DNAH10: variants seen among roughly 807,000 people sequenced by gnomAD.
DNAH10 encodes the protein dynein axonemal heavy chain 10.
A neutral mutation model predicts 506.6 loss-of-function variants in DNAH10; 348 were observed. The ratio of observed to expected loss-of-function variants is 0.69; its 90% confidence interval spans 0.63 to 0.75. The LOEUF is 0.75. DNAH10 is among the 30% of genes least tolerant of loss of function. The pLI is 0.00. For missense variants in DNAH10, 5,179 were observed against 5,787.1 expected (o/e 0.89, Z 3.41); for synonymous variants, 2,059 against 2,198.6 (o/e 0.94, Z 1.78).
At chr12:123,801,567 T>G in intron 16 of DNAH10, 135 bp downstream of exon 16, 1 of 1,131,642 alleles carries the variant, frequency 8.8e-7, no homozygotes, top group Admixed American at 2.8e-5. Flanking sequence ...GAAATACAAG[T>G]TGCGGAACTT....
chr12:123,841,225 T>A, intron 29 of DNAH10, 97 bp from the exon 30 acceptor site: 1 of 1,304,138 alleles, frequency 7.7e-7, no homozygotes, highest in Non-Finnish European at 1.1e-6. Flanking sequence ...TGCCATTGCT[T>A]GCATCGTGGC....
chr12:123,930,852 G>A (rs1440201037), intron 73 of DNAH10, among the ~76,000 whole-genome samples: 3 of 152,048 alleles, frequency 2.0e-5, no homozygotes, highest in Non-Finnish European at 2.9e-5. Flanking sequence ...ATGAACATAC[G>A]GCTGGACTGG....
At chr12:123,866,114 T>C in intron 41 of DNAH10, 41 bp downstream of exon 41, 1 of 1,519,884 alleles carries the variant, frequency 6.6e-7, no homozygotes, top group Non-Finnish European at 8.9e-7. Flanking sequence ...TTATTAGTAT[T>C]GATGGCTAGT....
intron 2 of DNAH10, among the ~76,000 whole-genome samples, chr12:123,768,676 T>A (rs2135963157): frequency 6.6e-6 from 1 of 152,350 alleles, no homozygotes; most frequent in African/African-American, 2.4e-5. Context: ...GTTTTGTAGG[T>A]GGGCTTCCCA....
At chr12:123,921,152 T>A (rs566801022) in intron 65 of DNAH10, among the ~76,000 whole-genome samples, 1 of 152,338 alleles carries the variant, frequency 6.6e-6, no homozygotes, top group Admixed American at 6.5e-5. Context: ...TGCTCGCCTC[T>A]CTGTAGTGTG....
Position 123,917,046 on chromosome 12 carries a change from T to C in DNAH10, c.11002+310T>C, listed in dbSNP as rs1954512796. 6.6e-6 allele frequency among the ~76,000 whole-genome samples: 1 copy of C among 152,232 alleles called. No homozygotes were observed. Among genetic ancestry groups the C allele is most frequent in the Non-Finnish European group, 1.5e-5 (1 of 68,042 alleles). ...CGTGTATTTAAAATACATGTTGTGA[T>C]GTTGAATTTTTTTTTTCTTCCTCTC... On this transcript the variant is annotated intron_variant, in intron 63 of 78. Coordinates refer to ENST00000673944, the MANE Select transcript of DNAH10 (RefSeq NM_001372106.1). The surrounding 1 kb of genome is among the most constrained non-coding windows in gnomAD (Gnocchi z 5.6).
At chr12:123,912,519 A>G (rs894675499) in intron 59 of DNAH10, among the ~76,000 whole-genome samples, 2 of 148,540 alleles carry the variant, frequency 1.3e-5, no homozygotes, top group Non-Finnish European at 3.0e-5. Flanking sequence ...GCACTATAGG[A>G]TGTTTAGCAG....
In DNAH10 at chr12:123,929,654, T is replaced by C. The variant is rs751383032; in HGVS notation, c.12517-10T>C. The C allele has an allele frequency of 6.2e-7, 1 of 1,611,214 alleles. No individual in the cohort carries two copies. Among genetic ancestry groups the C allele is most frequent in the Non-Finnish European group, 8.5e-7 (1 of 1,178,616 alleles). ...TTTCAGTATAACTGAGCGTGTTCTC[T>C]TCTTTCAAGGTCTGCATGGAAATTC... On this transcript the variant is annotated splice_polypyrimidine_tract_variant and intron_variant, in intron 71 of 78. Coordinates refer to ENST00000673944, the MANE Select transcript of DNAH10 (RefSeq NM_001372106.1).
chr12:123,929,684 C>T lies in DNAH10; in HGVS notation c.12537C>T (p.Asn4179=). Residue 4179 remains asparagine, a synonymous_variant, in exon 72 of 79, where the codon AAC becomes AAT. Transcript: ENST00000673944. ...SDFQVCMEIL[N]TYLTKAFQQR... ...TCAAGGTCTGCATGGAAATTCTGAA[C>T]ACGTACTTAACGAAAGCCTTCCAGC... The T allele has an allele frequency of 6.2e-7, 1 of 1,613,446 alleles. No individual in the cohort carries two copies.
At position 123,931,794 on chromosome 12, in the gene DNAH10, C is replaced by T. The variant is rs74326414; in HGVS notation, c.13075C>T (p.Arg4359Cys). Reference sequence around the variant, plus strand: ...GGTGGTGCTCCTGCAGGAACTGGAACGCTTCAACAAGCTTGTGGTCCGGAT... The same window carrying T: ...GGTGGTGCTCCTGCAGGAACTGGAATGCTTCAACAAGCTTGTGGTCCGGAT... Reference protein sequence around the residue: ...TSVVLLQELERFNKLVVRMTK... With the variant: ...TSVVLLQELECFNKLVVRMTK... Residue 4359 changes from arginine (R) to cysteine (C), a missense_variant, in exon 75 of 79, where the codon CGC becomes TGC. Arg to Cys is a radical substitution (Grantham distance 180, BLOSUM62 -3). This residue lies in a region of DNAH10 where 4,844 missense variants were observed against 5,430.5 expected (regional missense o/e 0.89). Coordinates refer to ENST00000673944, the MANE Select transcript of DNAH10 (RefSeq NM_001372106.1). The T allele has an allele frequency of 2.7e-5, 43 of 1,613,914 alleles. No homozygotes were observed. In the East Asian group the frequency reaches 3.6e-4, roughly 13 times the overall value.
chr12:123,781,786 C>T (rs1031448181), intron 6 of DNAH10, among the ~76,000 whole-genome samples: 6 of 152,110 alleles, frequency 3.9e-5, no homozygotes, highest in African/African-American at 1.4e-4. Flanking sequence ...TTTTTGAATA[C>T]ATTTTTCTTC....
Position 123,928,555 on chromosome 12 carries a change from T to G in DNAH10, c.12274T>G (p.Phe4092Val). 1 of 1,608,710 alleles carries G rather than the reference T, an allele frequency of 6.2e-7. No individual in the cohort carries two copies. Among genetic ancestry groups the G allele is most frequent in the Non-Finnish European group, 8.5e-7 (1 of 1,177,576 alleles). Residue 4092 changes from phenylalanine to valine, a missense_variant, in exon 70 of 79, where the codon TTC becomes GTC. Phe to Val is a conservative substitution (Grantham distance 50). Around this residue, in one of 3 missense-constraint regions of DNAH10, gnomAD observed 4,844 missense variants for 5,430.5 expected, o/e 0.89. Coordinates refer to ENST00000673944, the MANE Select transcript of DNAH10 (RefSeq NM_001372106.1). This position sits in a 1 kb window ranked among gnomAD's most constrained non-coding sequence, Gnocchi z 4.9. ...GCTCACCACGGACCCCACCAAGGGC[T>G]TCCCCATTGGGATTCTGCAGAAGTC... Reference protein sequence around the residue: ...LWLTTDPTKGFPIGILQKSLK... With the variant: ...LWLTTDPTKGVPIGILQKSLK...
chr12:123,783,854 T>A (rs772081366), intron 7 of DNAH10, 93 bp from the exon 8 acceptor site: 6 of 1,186,324 alleles, frequency 5.1e-6, no homozygotes, highest in Non-Finnish European at 7.3e-6. Context: ...ATTGGAGCAG[T>A]TGGACAGAAA....
chr12:123,852,003 T>C (rs1369767262), intron 35 of DNAH10, among the ~76,000 whole-genome samples: 3 of 152,178 alleles, frequency 2.0e-5, no homozygotes, highest in African/African-American at 4.8e-5. Context: ...ACTTCTGGGC[T>C]CCAGTAATCC....
intron 40 of DNAH10, among the ~76,000 whole-genome samples, chr12:123,865,184 T>C (rs1951755493): frequency 6.6e-6 from 1 of 152,280 alleles, no homozygotes; most frequent in Admixed American, 6.5e-5. Flanking sequence ...TTACTTTCTT[T>C]TAGAGCCATT....
In DNAH10 at chr12:123,796,756, T is replaced by C. The variant is rs374341130; in HGVS notation, c.2087T>C (p.Leu696Pro). Residue 696 changes from leucine (L) to proline (P), a missense_variant, in exon 13 of 79, where the codon CTG becomes CCG. Leu to Pro is a moderately conservative substitution (Grantham distance 98). Around this residue, in one of 3 missense-constraint regions of DNAH10, gnomAD observed 4,844 missense variants for 5,430.5 expected, o/e 0.89. Transcript: ENST00000673944. ...GGTGCAATATACTGGGAACGATCTC[T>C]GTTCTTTCGGATTAAGCATACCATC... ...VAGAIYWERSLFFRIKHTILR... is the reference protein window; with the variant it reads ...VAGAIYWERSPFFRIKHTILR... 2 of 1,614,182 alleles carry C rather than the reference T, an allele frequency of 1.2e-6. No individual in the cohort carries two copies. Among genetic ancestry groups the C allele is most frequent in the East Asian group, 2.2e-5 (1 of 44,884 alleles).
At chr12:123,794,183 C>CTAT in intron 12 of DNAH10, 71 bp downstream of exon 12, 1 of 1,012,806 alleles carries the variant, frequency 9.9e-7, no homozygotes, top group Non-Finnish European at 1.2e-6. Flanking sequence ...TTGAATCCCA[C>CTAT]TATTGTCTGT....
At chr12:123,790,855 C>T (rs1420145409) in intron 11 of DNAH10, among the ~76,000 whole-genome samples, 2 of 152,108 alleles carry the variant, frequency 1.3e-5, no homozygotes, top group Non-Finnish European at 2.9e-5. Context: ...TCGGGTGTAG[C>T]GGCTCATGCC....
intron 52 of DNAH10, among the ~76,000 whole-genome samples, chr12:123,890,233 G>A (rs1463377650): frequency 3.3e-5 from 5 of 152,148 alleles, no homozygotes; most frequent in South Asian, 4.1e-4. Context: ...GTGCAATGAC[G>A]TAGTCCAGAT....
Sources: gnomAD v4.1 joint callset for allele counts (sites outside exome capture counted in the v4.1 genomes callset) on GRCh38, gnomAD v4.1.1 for gene constraint, gnomAD v4.1.1 regional missense constraint, Gnocchi (gnomAD v3.1) non-coding constraint, MANE v1.5 for transcripts, NCBI Gene and HGNC (gene_info 2026-07-23, HGNC 2026-07-21) for gene names.